THSD7A: variants seen among roughly 807,000 people sequenced by gnomAD.
THSD7A encodes the protein thrombospondin type-1 domain-containing protein 7A.
A neutral mutation model predicts 231.3 loss-of-function variants in THSD7A; 96 were observed. The observed-to-expected ratio is 0.41, with a 90% confidence interval of 0.35 to 0.49. The LOEUF (loss-of-function observed/expected upper bound fraction) is 0.49. THSD7A is among the 20% of genes least tolerant of loss of function. The pLI is 0.05. For synonymous variants in THSD7A, 940 were observed against 743.3 expected (o/e 1.26, Z -4.30); for missense variants, 2,290 against 2,070.2 (o/e 1.11, Z -2.06).
intron 1 of THSD7A, among the ~76,000 whole-genome samples, chr7:11,727,538 T>C (rs1781588434): frequency 6.6e-6 from 1 of 151,972 alleles, no homozygotes; most frequent in Admixed American, 6.6e-5. Context: ...TCAAAATTCA[T>C]TTGGGGCCCA....
chr7:11,726,402 T>C (rs1383361884), intron 1 of THSD7A, among the ~76,000 whole-genome samples: 6 of 152,024 alleles, frequency 3.9e-5, no homozygotes, highest in Non-Finnish European at 8.8e-5. Context: ...AACACACTGA[T>C]TCATAATGAA....
At chr7:11,561,155 T>G (rs1473487271) in intron 4 of THSD7A, among the ~76,000 whole-genome samples, 1 of 152,144 alleles carries the variant, frequency 6.6e-6, no homozygotes, top group African/African-American at 2.4e-5. Flanking sequence ...TACTACTCCA[T>G]GTAATCTTGG....
At chr7:11,674,535 G>A (rs925016169) in intron 1 of THSD7A, among the ~76,000 whole-genome samples, 6 of 152,064 alleles carry the variant, frequency 3.9e-5, no homozygotes, top group African/African-American at 1.2e-4. Context: ...CAAAAAGCAC[G>A]AACTGTGAAA....
At chr7:11,735,834 T>C (rs1270936547) in intron 1 of THSD7A, among the ~76,000 whole-genome samples, 2 of 151,946 alleles carry the variant, frequency 1.3e-5, no homozygotes, top group Non-Finnish European at 2.9e-5. Context: ...ATAATATAAA[T>C]TGACATACTT....
chr7:11,643,348 C>A (rs1235764147), intron 1 of THSD7A, among the ~76,000 whole-genome samples: 1 of 151,888 alleles, frequency 6.6e-6, no homozygotes, highest in East Asian at 1.9e-4. Context: ...TTTGTTTTTA[C>A]CCAACCAAAT....
intron 1 of THSD7A, among the ~76,000 whole-genome samples, chr7:11,738,393 A>G (rs1312046777): frequency 6.6e-6 from 1 of 152,038 alleles, no homozygotes; most frequent in Non-Finnish European, 1.5e-5. Context: ...TTTACGATAT[A>G]TGTAACACAA....
At chr7:11,574,543 T>C (rs940884428) in intron 4 of THSD7A, among the ~76,000 whole-genome samples, 11 of 151,564 alleles carry the variant, frequency 7.3e-5, no homozygotes, top group Non-Finnish European at 1.6e-4. Context: ...CACGCCATTC[T>C]GCCGCCTCAG....
intron 2 of THSD7A, among the ~76,000 whole-genome samples, chr7:11,617,305 C>T (rs1388084918): frequency 6.6e-6 from 1 of 152,188 alleles, no homozygotes; most frequent in Non-Finnish European, 1.5e-5. Context: ...TTTCTATTTG[C>T]TGCTCAGGTA....
intron 4 of THSD7A, among the ~76,000 whole-genome samples, chr7:11,562,277 A>G (rs1790107397): frequency 6.8e-6 from 1 of 147,224 alleles, no homozygotes; most frequent in Non-Finnish European, 1.5e-5. Context: ...ATAAAAATAT[A>G]TCTTTGAATT....
chr7:11,740,050 C>G (rs1471825947), intron 1 of THSD7A, among the ~76,000 whole-genome samples: 1 of 151,996 alleles, frequency 6.6e-6, no homozygotes, highest in East Asian at 1.9e-4. Context: ...AACTTTTATT[C>G]ACTGGCTCCC....
chr7:11,417,582 A>C lies in THSD7A; in HGVS notation c.3405T>G (p.Asp1135Glu), dbSNP rs754871602. ...AATCCTCTACATGTTCAGAAGGGCC[A>C]TCTGCTGTATTCTGCATGCATCTAG... ...RKVRCMQNTA[D>E]GPSEHVEDYL... The change falls in exon 17 of 28, where the codon GAT becomes GAG. Residue 1135 changes from aspartate (D) to glutamate (E), a missense_variant. Physicochemically the swap from Asp to Glu is conservative, Grantham distance 45. Transcript: ENST00000423059. The C allele has an allele frequency of 6.2e-7, 1 of 1,612,312 alleles. No homozygotes were observed. The highest frequency in any genetic ancestry group is 8.5e-7 in the Non-Finnish European group (1 of 1,179,404).
At position 11,407,292 on chromosome 7, in the gene THSD7A, T is replaced by C. The variant is rs914910342; in HGVS notation, c.3916+14A>G. ...TTGACCAGTAGCCTAATATAAGTTA[T>C]GGTACAAACAAACCTGTGAGGCCAC... is the stretch of plus-strand genomic sequence containing the variant. On this transcript the variant is annotated intron_variant, in intron 20 of 27. Coordinates refer to ENST00000423059, the MANE Select transcript of THSD7A (RefSeq NM_015204.3). 5.0e-6 allele frequency: 8 copies of C among 1,598,020 alleles called. No individual in the cohort carries two copies. In the African/African-American group the frequency reaches 8.0e-5, roughly 16 times the overall value.
intron 10 of THSD7A, 136 bp from the exon 11 acceptor site, chr7:11,460,901 A>G (rs1785483008): frequency 6.3e-6 from 4 of 636,212 alleles, no homozygotes; most frequent in Non-Finnish European, 1.1e-5. Flanking sequence ...ATCTAAATTT[A>G]ATTTAGATCT....
At chr7:11,776,009 G>A (rs1004340479) in intron 1 of THSD7A, among the ~76,000 whole-genome samples, 1 of 152,134 alleles carries the variant, frequency 6.6e-6, no homozygotes, top group Admixed American at 6.6e-5. Flanking sequence ...TAAAATAAAT[G>A]AGATTTGATA....
chr7:11,693,413 G>A lies in THSD7A; in HGVS notation c.191-56452C>T, dbSNP rs189104383. On this transcript the variant is annotated intron_variant, in intron 1 of 27. Coordinates refer to ENST00000423059, the MANE Select transcript of THSD7A (RefSeq NM_015204.3). ...TGTAGTAAAACTAGTAATAACATAC[G>A]CTGTCTACAAATTGTAATTTAAAAT... Among the ~76,000 whole-genome samples, 302 of 151,452 alleles carry A rather than the reference G, an allele frequency of 2.0e-3. 1 individual carries two copies. Among genetic ancestry groups the A allele is most frequent in the African/African-American group, 6.9e-3 (284 of 41,416 alleles).
intron 6 of THSD7A, among the ~76,000 whole-genome samples, chr7:11,523,666 T>G (rs998450791): frequency 2.0e-5 from 3 of 152,016 alleles, no homozygotes; most frequent in East Asian, 3.9e-4. Context: ...AATAGAAAAG[T>G]TGTCTGGACC....
At chr7:11,610,477 G>A (rs954180725) in intron 2 of THSD7A, among the ~76,000 whole-genome samples, 1 of 152,088 alleles carries the variant, frequency 6.6e-6, no homozygotes, top group African/African-American at 2.4e-5. Context: ...GCAGCTTACA[G>A]TTGATGAGAT....
rs1308298994 is a variant in THSD7A at position 11,371,373 on chromosome 7, G to C, written c.*4421C>G. On this transcript the variant is annotated 3_prime_UTR_variant, in exon 28 of 28. Transcript: ENST00000423059. ...ACCCTTATTCCCAGAACAAGCAGATGTAGTTCTCACAACTAAACTAGTCCC... is the reference window on the plus strand; with the variant it reads ...ACCCTTATTCCCAGAACAAGCAGATCTAGTTCTCACAACTAAACTAGTCCC... 1 of 152,166 alleles carries C rather than the reference G, an allele frequency of 6.6e-6. No individual in the cohort carries two copies. The highest frequency in any genetic ancestry group is 1.5e-5 in the Non-Finnish European group (1 of 68,030). 9.4% of individuals were successfully genotyped at this position (152,166 alleles called of 1,614,324 possible). A position where few individuals can be genotyped will look rare whatever the true frequency, so the allele number is the denominator to read the frequency against.
chr7:11,794,482 A>G (rs760915961), intron 1 of THSD7A, among the ~76,000 whole-genome samples: 2 of 151,968 alleles, frequency 1.3e-5, no homozygotes, highest in Non-Finnish European at 2.9e-5. Flanking sequence ...CTTCTTTTCT[A>G]CACATCGACT....
Sources: allele counts gnomAD v4.1 joint callset (sites outside exome capture counted in the v4.1 genomes callset), GRCh38; gene constraint gnomAD v4.1.1; transcripts MANE v1.5; gene names NCBI Gene and HGNC (gene_info 2026-07-23, HGNC 2026-07-21).